PLEK: variants seen among roughly 807,000 people sequenced by gnomAD.
PLEK encodes the protein pleckstrin, also known as platelet 47 kDa protein.
A neutral mutation model predicts 43.9 loss-of-function variants in PLEK; 25 were observed. The ratio of observed to expected loss-of-function variants is 0.57; its 90% CI spans 0.41 to 0.79. The LOEUF is 0.79. PLEK is among the 30% of genes least tolerant of loss of function. The pLI, the probability that PLEK is intolerant of heterozygous loss-of-function variation, is 0.00. For synonymous variants in PLEK, 152 were observed against 144.4 expected (o/e 1.05, Z -0.38); for missense variants, 396 against 413.3 (o/e 0.96, Z 0.36).
chr2:68,386,525 G>A lies in PLEK; in HGVS notation c.496G>A (p.Val166Ile), dbSNP rs1231493637. ...FTGNCVIDWL[V>I]SNQSVRNRQE... ...AGGTAACTGCGTCATTGATTGGCTG[G>A]TATCCAACCAGTCTGTTAGGAATCG... Residue 166 changes from valine (V) to isoleucine (I), a missense_variant, in exon 5 of 9, where the codon GTA (valine) becomes ATA (isoleucine). By Grantham distance (29) the Val-to-Ile change is conservative (BLOSUM62 3). Coordinates refer to ENST00000234313, the MANE Select transcript of PLEK (RefSeq NM_002664.3). 4 of 1,613,634 alleles carry A rather than the reference G, an allele frequency of 2.5e-6. No homozygotes were observed. The highest frequency in any genetic ancestry group is 1.7e-4 in the Middle Eastern group (1 of 6,052).
chr2:68,379,172 CAGAG>C (rs372648044), intron 1 of PLEK, among the ~76,000 whole-genome samples: 1 of 151,874 alleles, frequency 6.6e-6, no homozygotes, highest in Non-Finnish European at 1.5e-5. Context: ...AAAAAAGAGA[CAGAG>C]AGAGAGTGCT....
intron 3 of PLEK, 146 bp from the exon 4 acceptor site, chr2:68,382,396 G>A: frequency 3.4e-6 from 2 of 588,472 alleles, no homozygotes; most frequent in Non-Finnish European, 3.0e-6. Flanking sequence ...TGATCTGATG[G>A]AGGGAGATTA....
At position 68,379,172 on chromosome 2, in the gene PLEK, CAGAGAG is replaced by C. The variant is rs372648044; in HGVS notation, c.43-1151_43-1146del. ...TAAAAATAAAATTTAAAAAAAGAGA[CAGAGAG>C]AGAGTGCTTGAGCTAGATCATCTAA... On this transcript the variant is annotated intron_variant, in intron 1 of 8. Transcript: ENST00000234313. Among the ~76,000 whole-genome samples, 49 of 151,994 alleles carry C rather than the reference CAGAGAG, an allele frequency of 3.2e-4. 1 individual carries two copies. The highest frequency in any genetic ancestry group is 1.1e-3 in the African/African-American group (47 of 41,470).
rs1255422605 is a variant in PLEK at position 68,380,718 on chromosome 2, T to C, written c.199-5T>C. The stretch of plus-strand genomic sequence containing the variant: ...ATTTCTAATGGGATGTGTTTTGATT[T>C]TCAGTTTGTGTTTAAGATCACTACG... On this transcript the variant is annotated splice_region_variant and splice_polypyrimidine_tract_variant and intron_variant, in intron 2 of 8. Coordinates refer to ENST00000234313, the MANE Select transcript of PLEK (RefSeq NM_002664.3). 5.6e-6 allele frequency: 9 copies of C among 1,612,316 alleles called. No homozygotes were observed. The highest frequency in any genetic ancestry group is 7.6e-6 in the Non-Finnish European group (9 of 1,179,242).
chr2:68,393,104 G>C (rs140654249), intron 6 of PLEK, 58 bp from the exon 7 acceptor site: 11 of 994,394 alleles, frequency 1.1e-5, no homozygotes, highest in Non-Finnish European at 1.8e-5. Context: ...GGTATTGTTT[G>C]TACAGAGTGA....
intron 4 of PLEK, among the ~76,000 whole-genome samples, chr2:68,384,602 G>T (rs942623966): frequency 1.3e-5 from 2 of 152,158 alleles, no homozygotes; most frequent in African/African-American, 4.8e-5. Context: ...GGGGAGTCAG[G>T]TGGCCTCGGC....
At chr2:68,391,467 T>C (rs1354878790) in intron 6 of PLEK, among the ~76,000 whole-genome samples, 1 of 152,250 alleles carries the variant, frequency 6.6e-6, no homozygotes, top group Admixed American at 6.5e-5. Flanking sequence ...TGGAAGTCTA[T>C]GCTTTGCAAA....
intron 3 of PLEK, among the ~76,000 whole-genome samples, chr2:68,381,692 A>AC (rs1673621046): frequency 2.6e-5 from 4 of 152,308 alleles, no homozygotes; most frequent in South Asian, 4.1e-4. Context: ...GCCTAAAGAC[A>AC]TCCCTTCTGC....
At chr2:68,372,177 A>ATTTTTTTTT (rs57326035) in intron 1 of PLEK, among the ~76,000 whole-genome samples, 1 of 148,362 alleles carries the variant, frequency 6.7e-6, no homozygotes. Flanking sequence ...AGAGAAGTTC[A>ATTTTTTTTT]TTTTTTTTTT....
At chr2:68,386,370 C>A (rs2103778229) in intron 4 of PLEK, 132 bp from the exon 5 acceptor site, 1 of 604,830 alleles carries the variant, frequency 1.7e-6, no homozygotes, top group East Asian at 2.9e-5. Flanking sequence ...ATTTTGTTTT[C>A]TCTTTCTTGA....
Position 68,380,226 on chromosome 2 carries a change from T to C in PLEK, c.43-102T>C, listed in dbSNP as rs76909995. The stretch of plus-strand genomic sequence containing the variant: ...AACAGAGATGATGTCACCAAACATT[T>C]TAAAAACCAACTGTAAGTAAATATA... On this transcript the variant is annotated intron_variant, in intron 1 of 8. Coordinates refer to ENST00000234313, the MANE Select transcript of PLEK (RefSeq NM_002664.3). The C allele has an allele frequency of 4.7e-3, 4,625 of 985,470 alleles. 154 individuals are homozygous for C. The African/African-American group carries it at 0.067, about 14-fold the overall frequency. 61.0% of individuals were successfully genotyped at this position (985,470 alleles called of 1,614,324 possible).
intron 5 of PLEK, among the ~76,000 whole-genome samples, chr2:68,387,364 T>C (rs1673768471): frequency 6.6e-6 from 1 of 152,248 alleles, no homozygotes; most frequent in African/African-American, 2.4e-5. Flanking sequence ...TACAGCCACG[T>C]AGACAAGCGT....
At chr2:68,392,265 C>CT (rs1673876546) in intron 6 of PLEK, among the ~76,000 whole-genome samples, 1 of 148,556 alleles carries the variant, frequency 6.7e-6, no homozygotes, top group Admixed American at 6.6e-5. Context: ...ATTTCCATTC[C>CT]TACTGCAGCT....
At chr2:68,386,984 T>C (rs981507492) in intron 5 of PLEK, among the ~76,000 whole-genome samples, 5 of 152,134 alleles carry the variant, frequency 3.3e-5, no homozygotes, top group Admixed American at 3.3e-4. Flanking sequence ...ATTTTAAAGT[T>C]TATTGTTTCC....
chr2:68,371,842 C>A (rs55688935), intron 1 of PLEK, among the ~76,000 whole-genome samples: 52,248 of 151,540 alleles, frequency 0.34, 9,964 homozygotes, highest in East Asian at 0.73. Context: ...CATAGAGCTC[C>A]TTTTTTCCCA....
intron 2 of PLEK, 46 bp downstream of exon 2, chr2:68,380,529 A>T (rs371731135): frequency 1.8e-4 from 278 of 1,585,580 alleles, no homozygotes; most frequent in Middle Eastern, 1.0e-3. Context: ...TCAGGCACTC[A>T]ACTTTTGGTG....
Position 68,394,135 on chromosome 2 carries a change from T to A in PLEK, c.875T>A (p.Leu292Ter). The change falls in exon 8 of 9, where the codon TTG (leucine) becomes TAG (stop). Residue 292 changes from leucine to a stop codon, truncating the protein, a stop_gained. Coordinates refer to ENST00000234313, the MANE Select transcript of PLEK (RefSeq NM_002664.3). LOFTEE classifies it high-confidence loss of function. The stretch of plus-strand genomic sequence containing the variant: ...GAAGATCCCCTGGGAGCAATTCACT[T>A]GAGAGGCTGTGTGGTGACTTCAGTG... ...GAEDPLGAIH[L>*]RGCVVTSVES... 1 of 1,607,876 alleles carries A rather than the reference T, an allele frequency of 6.2e-7. No homozygotes were observed. The highest frequency in any genetic ancestry group is 8.5e-7 in the Non-Finnish European group (1 of 1,174,370).
intron 6 of PLEK, among the ~76,000 whole-genome samples, chr2:68,389,225 G>T (rs570897216): frequency 2.6e-5 from 4 of 152,326 alleles, no homozygotes; most frequent in South Asian, 2.1e-4. Flanking sequence ...GGAGGAAGTC[G>T]CAGGAAGACA....
At position 68,394,096 on chromosome 2, in the gene PLEK, T is replaced by A. The variant is rs534378538; in HGVS notation, c.847-11T>A. ...TTTGGAAACATAATGAACAACTCCT[T>A]TCTTCTTTAGGCAGAAGATCCCCTG... On this transcript the variant is annotated splice_polypyrimidine_tract_variant and intron_variant, in intron 7 of 8. Transcript: ENST00000234313. 6.3e-7 allele frequency: 1 copy of A among 1,590,330 alleles called. No homozygotes were observed. The highest frequency in any genetic ancestry group is 1.1e-5 in the South Asian group (1 of 90,640).
Sources: gnomAD v4.1 joint callset for allele counts (sites outside exome capture counted in the v4.1 genomes callset) on GRCh38, gnomAD v4.1.1 for gene constraint, MANE v1.5 for transcripts, NCBI Gene and HGNC (gene_info 2026-07-23, HGNC 2026-07-21) for gene names.